DDX59: variants seen among roughly 807,000 people sequenced by gnomAD.
The protein encoded by DDX59 is probable ATP-dependent RNA helicase DDX59.
A neutral mutation model predicts 51.9 loss-of-function variants in DDX59; 30 were observed. That is an observed-to-expected ratio of 0.58 (90% CI 0.43 to 0.78). The LOEUF (loss-of-function observed/expected upper bound fraction) is 0.78, where lower values mean the gene tolerates loss of function less well. Among genes scored for constraint, DDX59 ranks in the 30% least tolerant of loss-of-function variants. The pLI is 0.00. For missense variants in DDX59, 672 were observed against 730.8 expected (o/e 0.92, Z 0.93); for synonymous variants, 255 against 253.3 (o/e 1.01, Z -0.06).
In DDX59 at chr1:200,666,081, T is replaced by A. The variant is rs557260111; in HGVS notation, c.660A>T (p.Lys220Asn). The A allele has an allele frequency of 3.7e-6, 6 of 1,614,214 alleles. No individual in the cohort carries two copies. The South Asian group carries it at 6.6e-5, about 18-fold the overall frequency. The change falls in exon 2 of 8, where the codon AAA becomes AAT. Residue 220 changes from lysine (K) to asparagine (N), a missense_variant. Coordinates refer to ENST00000331314, the MANE Select transcript of DDX59 (RefSeq NM_001031725.6). The stretch of plus-strand genomic sequence containing the variant: ...TGGGAGTTGGCACCTCATAGCCTGA[T>A]TTCTTCAAGTTGTGATTTAAGACCT... ...LPEVLNHNLKKSGYEVPTPIQ... is the reference protein window; with the variant it reads ...LPEVLNHNLKNSGYEVPTPIQ...
At chr1:200,654,056 A>G (rs1661842390) in intron 4 of DDX59, among the ~76,000 whole-genome samples, 2 of 152,204 alleles carry the variant, frequency 1.3e-5, no homozygotes, top group Admixed American at 1.3e-4. Flanking sequence ...TAAGCACTGA[A>G]TAAGCACCTT....
downstream of DDX59, among the ~76,000 whole-genome samples, chr1:200,643,479 T>C (rs1287797264): frequency 6.6e-6 from 1 of 151,194 alleles, no homozygotes; most frequent in Non-Finnish European, 1.5e-5. Flanking sequence ...CCATCTCTAC[T>C]AAAAATACAA....
chr1:200,660,736 T>TAA (rs1182689232), intron 3 of DDX59, among the ~76,000 whole-genome samples: 1 of 152,124 alleles, frequency 6.6e-6, no homozygotes, highest in Non-Finnish European at 1.5e-5. Context: ...AACACACACT[T>TAA]AGATATACAG....
At chr1:200,652,960 C>T (rs1242211900) in intron 4 of DDX59, among the ~76,000 whole-genome samples, 1 of 152,204 alleles carries the variant, frequency 6.6e-6, no homozygotes, top group East Asian at 1.9e-4. Flanking sequence ...GCTGGGATTA[C>T]AGGCGTGGGC....
intron 4 of DDX59, among the ~76,000 whole-genome samples, chr1:200,658,180 G>A (rs746263453): frequency 5.5e-4 from 84 of 152,330 alleles, no homozygotes; most frequent in Non-Finnish European, 1.0e-3. Context: ...CACTGCTGGT[G>A]AGACATGTGG....
In DDX59 at chr1:200,658,009, G is replaced by C. The variant is rs1042438310; in HGVS notation, c.1062+1018C>G. 1.6e-4 allele frequency among the ~76,000 whole-genome samples: 24 copies of C among 152,192 alleles called. 1 individual carries two copies. Among genetic ancestry groups the C allele is most frequent in the African/African-American group, 5.3e-4 (22 of 41,444 alleles). ...CTTGCCTAAGCTCTCATGGGAGGTG[G>C]AGTAAATGTTCAAATCTTGGTCTTG... is the stretch of plus-strand genomic sequence containing the variant. On this transcript the variant is annotated intron_variant, in intron 4 of 7. Transcript: ENST00000331314.
chr1:200,665,636 C>G (rs1053530793), intron 2 of DDX59, among the ~76,000 whole-genome samples: 2 of 152,162 alleles, frequency 1.3e-5, no homozygotes, highest in Non-Finnish European at 2.9e-5. Context: ...TCTTTTCCCC[C>G]TCAAATCCAA....
In DDX59 at chr1:200,648,108, C is replaced by G. The variant is rs1661407689; in HGVS notation, c.1596+331G>C. On this transcript the variant is annotated intron_variant, in intron 7 of 7. Transcript: ENST00000331314. ...GCGTGATCTCGGCTCACTGCAACCC[C>G]CTCCTGCCGAGTTCAAGCGATTTTC... Among the ~76,000 whole-genome samples the G allele has an allele frequency of 2.0e-5, 3 of 151,906 alleles. No individual in the cohort carries two copies. The South Asian group carries it at 6.2e-4, about 32-fold the overall frequency.
chr1:200,648,890 C>A (rs1409908546), intron 6 of DDX59, among the ~76,000 whole-genome samples, 184 bp downstream of exon 6: 1 of 152,134 alleles, frequency 6.6e-6, no homozygotes, highest in Non-Finnish European at 1.5e-5. Flanking sequence ...AGAGAACAGG[C>A]TATTGCTCCC....
downstream of DDX59, chr1:200,641,215 G>A (rs906897726): frequency 7.7e-7 from 1 of 1,304,720 alleles, no homozygotes; most frequent in Non-Finnish European, 1.0e-6. Context: ...GAGATGCGTT[G>A]ATATTAATTC....
At chr1:200,661,556 T>C (rs1349968237) in intron 3 of DDX59, among the ~76,000 whole-genome samples, 1 of 152,198 alleles carries the variant, frequency 6.6e-6, no homozygotes, top group East Asian at 1.9e-4. Flanking sequence ...AAATGAGGGA[T>C]GTTCTTCAAA....
At chr1:200,650,361 T>C in intron 5 of DDX59, 64 bp downstream of exon 5, 3 of 1,473,362 alleles carry the variant, frequency 2.0e-6, no homozygotes, top group Non-Finnish European at 2.7e-6. Flanking sequence ...AAAATCATTC[T>C]CTTAAGAGCT....
intron 6 of DDX59, 49 bp from the exon 7 acceptor site, chr1:200,648,616 G>A: frequency 6.4e-7 from 1 of 1,568,914 alleles, no homozygotes; most frequent in East Asian, 2.3e-5. Flanking sequence ...ATTTTGTGTG[G>A]TTTTGTGTAA....
rs753191630 is a variant in DDX59 at position 200,669,814 on chromosome 1, C to G, written c.-59G>C. 3.3e-4 allele frequency: 50 copies of G among 152,712 alleles called. No individual in the cohort carries two copies. The highest frequency in any genetic ancestry group is 6.0e-4 in the Non-Finnish European group (41 of 68,444). The allele number at this position is 152,712 out of a possible 1,614,324, so 9.5% of individuals were successfully genotyped here. ...CCGCTCCCGCTCCCGCTCGGGCCGTCTCCCCCTTCCAGGCTCCAGGCCAGG... is the reference window on the plus strand; with the variant it reads ...CCGCTCCCGCTCCCGCTCGGGCCGTGTCCCCCTTCCAGGCTCCAGGCCAGG... On this transcript the variant is annotated 5_prime_UTR_variant, in exon 1 of 8. Coordinates refer to ENST00000331314, the MANE Select transcript of DDX59 (RefSeq NM_001031725.6).
In DDX59 at chr1:200,649,083, G is replaced by A. The variant is rs1165559622; in HGVS notation, c.1458C>T (p.Asn486=). 6.4e-7 allele frequency: 1 copy of A among 1,563,538 alleles called. No homozygotes were observed. The highest frequency in any genetic ancestry group is 1.2e-5 in the South Asian group (1 of 82,074). ...HSEKSQIERK[N]ILKGLLEGDY... is the part of the protein sequence containing the mutation. ...ATATTGGGTGTCAAACCTTCAATAT[G>A]TTTTTCCTTTCTATTTGCGACTTCT... The change falls in exon 6 of 8, where the codon AAC becomes AAT. Residue 486 remains asparagine, a synonymous_variant. Transcript: ENST00000331314.
intron 2 of DDX59, among the ~76,000 whole-genome samples, chr1:200,665,226 C>T (rs1413197901): frequency 6.6e-6 from 1 of 152,088 alleles, no homozygotes. Flanking sequence ...GAAGCTGAGG[C>T]GGTTGGATTA....
chr1:200,667,885 C>T (rs1226773605), intron 1 of DDX59, among the ~76,000 whole-genome samples: 1 of 151,620 alleles, frequency 6.6e-6, no homozygotes, highest in Non-Finnish European at 1.5e-5. Flanking sequence ...GACTAATATA[C>T]ATAGTATAGC....
chr1:200,644,576 GAA>G, intron 7 of DDX59, 59 bp from the exon 8 acceptor site: 1 of 1,510,924 alleles, frequency 6.6e-7, no homozygotes, highest in East Asian at 2.3e-5. Context: ...AGTGTCTTTT[GAA>G]AGAAAATGAA....
chr1:200,654,116 T>G (rs1009257051), intron 4 of DDX59, among the ~76,000 whole-genome samples: 1 of 152,246 alleles, frequency 6.6e-6, no homozygotes, highest in East Asian at 1.9e-4. Context: ...TCTCTGAAGA[T>G]AAGAATCACC....
Sources: gnomAD v4.1 joint callset for allele counts (sites outside exome capture counted in the v4.1 genomes callset) on GRCh38, gnomAD v4.1.1 for gene constraint, MANE v1.5 for transcripts, NCBI Gene and HGNC (gene_info 2026-07-23, HGNC 2026-07-21) for gene names.